The following MTG2 variants were observed in gnomAD, a reference collection of about 807,000 sequenced individuals.
The protein encoded by MTG2 is mitochondrial ribosome-associated GTPase 2.
MTG2 carries 23 observed loss-of-function variants against 28.6 expected under a neutral mutation model. The observed-to-expected ratio is 0.80, with a 90% CI of 0.58 to 1.14. The LOEUF is 1.14. MTG2 is among the 50% of genes most tolerant of loss of function. MTG2 has a pLI of 0.00. For missense variants in MTG2, 539 were observed against 552.0 expected (o/e 0.98, Z 0.24); for synonymous variants, 260 against 251.8 (o/e 1.03, Z -0.31).
chr20:62,188,402 T>G (rs1352477255), intron 1 of MTG2, among the ~76,000 whole-genome samples: 1 of 152,046 alleles, frequency 6.6e-6, no homozygotes, highest in African/African-American at 2.4e-5. Flanking sequence ...TGTGTGATCA[T>G]GGTTCACTGC....
At chr20:62,184,089 T>C (rs1468258145) in intron 1 of MTG2, among the ~76,000 whole-genome samples, 1 of 152,258 alleles carries the variant, frequency 6.6e-6, no homozygotes, top group East Asian at 1.9e-4. Flanking sequence ...CTGGGCGCGG[T>C]GGCTCACGCC....
chr20:62,186,611 G>T (rs1013580071), intron 1 of MTG2, among the ~76,000 whole-genome samples: 62 of 149,392 alleles, frequency 4.2e-4, no homozygotes, highest in African/African-American at 1.5e-3. Context: ...TCACGGCAGC[G>T]TCTGCCTCCC....
Position 62,199,267 on chromosome 20 carries a change from C to T in MTG2, c.826+10C>T. On this transcript the variant is annotated intron_variant, in intron 6 of 6. Transcript: ENST00000370823. ...CACCTACAAATAGCAGGTAGAACTT[C>T]CAGAATTCTCCCAAAGGTTAGATTT... 1 of 1,607,314 alleles carries T rather than the reference C, an allele frequency of 6.2e-7. No homozygotes were observed. The highest frequency in any genetic ancestry group is 8.5e-7 in the Non-Finnish European group (1 of 1,174,856).
intron 3 of MTG2, 141 bp downstream of exon 3, chr20:62,196,090 A>T: frequency 2.0e-6 from 2 of 997,012 alleles, no homozygotes; most frequent in Non-Finnish European, 2.9e-6. Flanking sequence ...AGGCAGGAGG[A>T]TCACTTGAGC....
At chr20:62,186,382 T>C (rs913980864) in intron 1 of MTG2, among the ~76,000 whole-genome samples, 2 of 152,224 alleles carry the variant, frequency 1.3e-5, no homozygotes, top group African/African-American at 4.8e-5. Context: ...GTACTTTTTG[T>C]ATTTGGCACT....
intron 6 of MTG2, among the ~76,000 whole-genome samples, chr20:62,199,683 T>A (rs2058128797): frequency 7.0e-6 from 1 of 142,120 alleles, no homozygotes; most frequent in African/African-American, 2.6e-5. Context: ...TTTTTCCTAA[T>A]GTAAACAACT....
Position 62,183,031 on chromosome 20 carries a change from C to G in MTG2, c.-32C>G, listed in dbSNP as rs1168966886. 6.6e-6 allele frequency: 1 copy of G among 150,964 alleles called. No homozygotes were observed. Among genetic ancestry groups the G allele is most frequent in the Non-Finnish European group, 1.5e-5 (1 of 68,070 alleles). The allele number at this position is 150,964 out of a possible 1,614,324, so 9.4% of individuals were successfully genotyped here. ...GAAGTGGTCGGCCGCTTGCGACGCT[C>G]CGGAAGTGACGTGCTTTCCCGAGCC... On this transcript the variant is annotated 5_prime_UTR_variant, in exon 1 of 7. Coordinates refer to ENST00000370823, the MANE Select transcript of MTG2 (RefSeq NM_015666.4).
At chr20:62,196,464 G>A (rs1039915017) in intron 3 of MTG2, among the ~76,000 whole-genome samples, 11 of 151,850 alleles carry the variant, frequency 7.2e-5, no homozygotes, top group South Asian at 2.1e-4. Context: ...CTTGAGGTCC[G>A]GAGTTCGAGA....
At chr20:62,197,537 G>A (rs1331821240) in intron 3 of MTG2, 5 of 202,802 alleles carry the variant, frequency 2.5e-5, no homozygotes, top group Non-Finnish European at 3.1e-5. Flanking sequence ...GGTGGGTGCC[G>A]CTGGCTGCTG....
At chr20:62,184,422 A>G (rs1022267731) in intron 1 of MTG2, among the ~76,000 whole-genome samples, 3 of 152,222 alleles carry the variant, frequency 2.0e-5, no homozygotes, top group African/African-American at 7.2e-5. Flanking sequence ...GAGGGTTTAT[A>G]AAGGGACCGT....
chr20:62,188,205 T>G (rs996567285), intron 1 of MTG2, among the ~76,000 whole-genome samples: 6 of 152,194 alleles, frequency 3.9e-5, no homozygotes, highest in African/African-American at 9.6e-5. Flanking sequence ...ATTTCTCTTT[T>G]GATTTCTTCT....
At chr20:62,196,002 T>C in intron 3 of MTG2, 53 bp downstream of exon 3, 1 of 1,597,232 alleles carries the variant, frequency 6.3e-7, no homozygotes, top group East Asian at 2.2e-5. Flanking sequence ...CGAGACTGCA[T>C]GTGCATTTGA....
rs779421310 is a variant in MTG2, at chr20:62,199,199, C to A, written c.768C>A (p.Phe256Leu). The A allele has an allele frequency of 8.7e-6, 14 of 1,614,106 alleles. No individual in the cohort carries two copies. In the Middle Eastern group the frequency reaches 4.9e-4, roughly 57 times the overall value. ...NARPAVASYP[F>L]TTLKPHVGIV... is the part of the protein sequence containing the mutation. Reference sequence around the variant, plus strand: ...GACCCGCCGTGGCTTCCTACCCGTTCACCACCCTGAAGCCCCACGTCGGGA... The same window carrying A: ...GACCCGCCGTGGCTTCCTACCCGTTAACCACCCTGAAGCCCCACGTCGGGA... The change falls in exon 6 of 7, where the codon TTC becomes TTA. Residue 256 changes from phenylalanine to leucine, a missense_variant. By Grantham distance (22) the Phe-to-Leu change is conservative. Transcript: ENST00000370823.
intron 6 of MTG2, among the ~76,000 whole-genome samples, chr20:62,199,717 C>T (rs796845576): frequency 2.9e-4 from 29 of 100,040 alleles, no homozygotes; most frequent in African/African-American, 8.9e-4. Context: ...TTTTTTGAGA[C>T]GGAGTCTCAC....
rs1416129265 is a variant in MTG2 at position 62,202,969 on chromosome 20, C to G, written c.*1892C>G. 1.3e-5 allele frequency: 2 copies of G among 152,238 alleles called. No individual in the cohort carries two copies. Among genetic ancestry groups the G allele is most frequent in the African/African-American group, 4.8e-5 (2 of 41,448 alleles). The allele number at this position is 152,238 out of a possible 1,614,324, so 9.4% of individuals were successfully genotyped here. A position where few individuals can be genotyped will look rare whatever the true frequency, so the allele number is the denominator to read the frequency against. The stretch of plus-strand genomic sequence containing the variant: ...TTTTGATCTCACATCAAATCTGCAG[C>G]TAGAACATGACAGTCCTTTTACCCG... On this transcript the variant is annotated 3_prime_UTR_variant, in exon 7 of 7. Coordinates refer to ENST00000370823, the MANE Select transcript of MTG2 (RefSeq NM_015666.4).
chr20:62,197,597 T>G, intron 3 of MTG2: 1 of 402,332 alleles, frequency 2.5e-6, no homozygotes, highest in Non-Finnish European at 4.6e-6. Context: ...AGTGAAGCCT[T>G]CACAACAAAA....
intron 1 of MTG2, among the ~76,000 whole-genome samples, chr20:62,185,497 C>T (rs1238767476): frequency 3.3e-5 from 5 of 151,766 alleles, no homozygotes; most frequent in East Asian, 3.9e-4. Context: ...ATTAGCTGAG[C>T]GTGGTGATGG....
intron 6 of MTG2, chr20:62,200,315 T>C (rs1329875498): frequency 5.3e-6 from 1 of 188,900 alleles, no homozygotes; most frequent in Non-Finnish European, 1.1e-5. Context: ...GTACTCTACA[T>C]GTAAATTTCT....
intron 1 of MTG2, among the ~76,000 whole-genome samples, chr20:62,187,706 G>A (rs2057875541): frequency 6.6e-6 from 1 of 152,212 alleles, no homozygotes; most frequent in Admixed American, 6.5e-5. Context: ...TCCTGACAGT[G>A]GAGGTTTGCG....
Sources: gnomAD v4.1 joint callset for allele counts (sites outside exome capture counted in the v4.1 genomes callset) on GRCh38, gnomAD v4.1.1 for gene constraint, MANE v1.5 for transcripts, NCBI Gene and HGNC (gene_info 2026-07-23, HGNC 2026-07-21) for gene names.